Variants in GRIK5 observed in about 807,000 individuals in gnomAD.
GRIK5 encodes glutamate receptor ionotropic, kainate 5.
A neutral mutation model predicts 97.4 loss-of-function variants in GRIK5; 43 were observed. That is an observed-to-expected ratio of 0.44 (90% CI 0.35 to 0.57). The LOEUF (loss-of-function observed/expected upper bound fraction) is 0.57, where lower values mean the gene tolerates loss of function less well. GRIK5 is among the 20% of genes least tolerant of loss of function. The probability of loss-of-function intolerance (pLI) is 0.01; values close to 1 mark genes in which losing one functional copy is unlikely to be tolerated. For missense variants in GRIK5, 1,015 were observed against 1,382.0 expected, an observed-to-expected ratio of 0.73 and a Z score of 4.21; for synonymous variants, 580 against 583.5, an observed-to-expected ratio of 0.99 and a Z score of 0.09.
At chr19:42,005,183 T>C (rs923670478) in intron 17 of GRIK5, among the ~76,000 whole-genome samples, 8 of 142,884 alleles carry the variant, frequency 5.6e-5, no homozygotes, top group Middle Eastern at 3.9e-3. Context: ...GGCTCATACC[T>C]GTAATCCCAA....
chr19:42,012,466 G>T (rs1021575609), intron 15 of GRIK5, among the ~76,000 whole-genome samples: 1 of 152,082 alleles, frequency 6.6e-6, no homozygotes, highest in Non-Finnish European at 1.5e-5. Context: ...GCCCAGGTAG[G>T]TCTAGAACCC....
intron 12 of GRIK5, among the ~76,000 whole-genome samples, chr19:42,038,324 G>A (rs994218132): frequency 2.0e-5 from 3 of 152,212 alleles, no homozygotes; most frequent in Admixed American, 2.0e-4. Flanking sequence ...ACCTGTGCCT[G>A]GCCCAGGGGT....
chr19:42,051,031 A>G (rs2076108758), intron 11 of GRIK5, among the ~76,000 whole-genome samples: 1 of 152,182 alleles, frequency 6.6e-6, no homozygotes, highest in Admixed American at 6.5e-5. Context: ...TTGAACTAAT[A>G]AGAGCGGAGG....
chr19:42,067,349 G>A (rs2076349082), intron 1 of GRIK5, among the ~76,000 whole-genome samples: 1 of 152,218 alleles, frequency 6.6e-6, no homozygotes. Context: ...CTCACTGCGT[G>A]ATCTTGAGCA....
rs200544337 is a variant in GRIK5 at position 42,054,281 on chromosome 19, C to T, written c.1056+39G>A. 6.3e-6 allele frequency: 10 copies of T among 1,582,022 alleles called. 1 individual carries two copies. In the East Asian group the frequency reaches 9.0e-5, roughly 14 times the overall value. Reference sequence around the variant, plus strand: ...AGTGAGCGCTCCCACCTGAGGTGGCCGTGTCCTGCCTCCTCCACCCATCCC... The same window carrying T: ...AGTGAGCGCTCCCACCTGAGGTGGCTGTGTCCTGCCTCCTCCACCCATCCC... On this transcript the variant is annotated intron_variant, in intron 9 of 19. Transcript: ENST00000593562.
rs755463580 is a variant in GRIK5 at position 42,054,286 on chromosome 19, C to T, written c.1056+34G>A. 38 of 1,588,050 alleles carry T rather than the reference C, an allele frequency of 2.4e-5. No individual in the cohort carries two copies. The South Asian group carries it at 4.0e-4, about 17-fold the overall frequency. On this transcript the variant is annotated intron_variant, in intron 9 of 19. Transcript: ENST00000593562. ...GCGCTCCCACCTGAGGTGGCCGTGT[C>T]CTGCCTCCTCCACCCATCCCCGCTC...
At chr19:42,008,628 A>C (rs1326052968) in intron 15 of GRIK5, among the ~76,000 whole-genome samples, 1 of 152,124 alleles carries the variant, frequency 6.6e-6, no homozygotes, top group Admixed American at 6.5e-5. Flanking sequence ...CTTGCCTCAA[A>C]AAAAAAGGAC....
At chr19:42,048,288 A>G (rs1311433872) in intron 11 of GRIK5, among the ~76,000 whole-genome samples, 1 of 152,232 alleles carries the variant, frequency 6.6e-6, no homozygotes, top group Non-Finnish European at 1.5e-5. Context: ...TTTGCAATAC[A>G]TACATCAGAC....
chr19:42,068,872 G>A (rs2076380840), intron 1 of GRIK5: 1 of 685,824 alleles, frequency 1.5e-6, no homozygotes, highest in Non-Finnish European at 2.7e-6. Flanking sequence ...CGCAGGCAGA[G>A]GATGAGGCTC....
chr19:42,014,267 G>A (rs1309581982), intron 15 of GRIK5, among the ~76,000 whole-genome samples: 11 of 151,868 alleles, frequency 7.2e-5, no homozygotes, highest in Admixed American at 1.3e-4. Flanking sequence ...GCTGGCGTGC[G>A]CTTGTAGTCC....
intron 5 of GRIK5, among the ~76,000 whole-genome samples, chr19:42,061,352 C>A (rs2146172846): frequency 6.6e-6 from 1 of 151,906 alleles, no homozygotes; most frequent in East Asian, 1.9e-4. Flanking sequence ...CCATAAATAC[C>A]TTTTTTTTAA....
rs116532142 is a variant in GRIK5, at chr19:42,049,174, C to T, written c.1269+4428G>A. Among the ~76,000 whole-genome samples the T allele has an allele frequency of 4.0e-3, 606 of 152,274 alleles. 5 individuals are homozygous for T. Among genetic ancestry groups the T allele is most frequent in the African/African-American group, 0.014 (566 of 41,550 alleles). On this transcript the variant is annotated intron_variant, in intron 11 of 19. Coordinates refer to ENST00000593562, the MANE Select transcript of GRIK5 (RefSeq NM_002088.5). ...CTTTATACACTCACCACTGACAAAC[C>T]GAGTAGCAAGTGGAATTTTCATTCA...
Position 42,070,017 on chromosome 19 carries a change from G to C in GRIK5, c.-827C>G, listed in dbSNP as rs1197843477. On this transcript the variant is annotated 5_prime_UTR_variant, in exon 1 of 20. Coordinates refer to ENST00000593562, the MANE Select transcript of GRIK5 (RefSeq NM_002088.5). The stretch of plus-strand genomic sequence containing the variant: ...GGGTGGGGTGTCCCAGGGGCTCCCG[G>C]TGCTGGGCCTCAGTGGGAGGGCCTG... 6.6e-6 allele frequency among the ~76,000 whole-genome samples: 1 copy of C among 152,118 alleles called. No homozygotes were observed. Among genetic ancestry groups the C allele is most frequent in the Non-Finnish European group, 1.5e-5 (1 of 67,994 alleles).
intron 11 of GRIK5, among the ~76,000 whole-genome samples, chr19:42,044,852 A>AG (rs746887241): frequency 6.6e-6 from 1 of 152,198 alleles, no homozygotes; most frequent in East Asian, 1.9e-4. Context: ...CGGGAGGCTG[A>AG]GGTAGAGTCC....
rs1018446973 is a variant in GRIK5 at position 42,069,670 on chromosome 19, C to A, written c.-480G>T. Among the ~76,000 whole-genome samples, 1 of 122,830 alleles carries A rather than the reference C, an allele frequency of 8.1e-6. No individual in the cohort carries two copies. Among genetic ancestry groups the A allele is most frequent in the South Asian group, 2.6e-4 (1 of 3,852 alleles). 80.6% of individuals were successfully genotyped at this position (122,830 alleles called of 152,430 possible). On this transcript the variant is annotated 5_prime_UTR_variant, in exon 1 of 20. Coordinates refer to ENST00000593562, the MANE Select transcript of GRIK5 (RefSeq NM_002088.5). ...GCCGGCCTGGGGGGGCCACAGGGGG[C>A]GAGGACTGGGTGGAGAAAAGGAAGC...
At chr19:42,050,927 G>A (rs1022106315) in intron 11 of GRIK5, among the ~76,000 whole-genome samples, 4 of 152,042 alleles carry the variant, frequency 2.6e-5, no homozygotes, top group Non-Finnish European at 4.4e-5. Flanking sequence ...GCACTGCAAG[G>A]GCCTTCTTAG....
chr19:42,005,214 G>T (rs1285789097), intron 17 of GRIK5, among the ~76,000 whole-genome samples: 2 of 146,080 alleles, frequency 1.4e-5, no homozygotes, highest in Non-Finnish European at 3.0e-5. Flanking sequence ...GGCCAAGGCG[G>T]GCGACAGAGC....
chr19:42,020,746 C>T (rs972068716), intron 15 of GRIK5, among the ~76,000 whole-genome samples: 5 of 152,116 alleles, frequency 3.3e-5, no homozygotes, highest in African/African-American at 9.7e-5. Context: ...GCCATGGCAA[C>T]GTCAGGAAGT....
chr19:41,999,800 T>C lies in GRIK5; in HGVS notation c.2515-501A>G, dbSNP rs1371221171. 1.3e-5 allele frequency among the ~76,000 whole-genome samples: 2 copies of C among 152,126 alleles called. No homozygotes were observed. The highest frequency in any genetic ancestry group is 4.8e-5 in the African/African-American group (2 of 41,430). On this transcript the variant is annotated intron_variant, in intron 19 of 19. Coordinates refer to ENST00000593562, the MANE Select transcript of GRIK5 (RefSeq NM_002088.5). The surrounding 1 kb of genome is among the most constrained non-coding windows in gnomAD (Gnocchi z 5.0). ...AGAGACAGAAGATAACAGACATGTATGTAGTGTGTTAGGCGTGGTGAGTGC... is the reference window on the plus strand; with the variant it reads ...AGAGACAGAAGATAACAGACATGTACGTAGTGTGTTAGGCGTGGTGAGTGC...
Sources: gnomAD v4.1 joint callset for allele counts (sites outside exome capture counted in the v4.1 genomes callset) on GRCh38, gnomAD v4.1.1 for gene constraint, Gnocchi (gnomAD v3.1) non-coding constraint, MANE v1.5 for transcripts, NCBI Gene and HGNC (gene_info 2026-07-23, HGNC 2026-07-21) for gene names.